Variants in OSBPL9 observed in about 807,000 individuals in gnomAD.
OSBPL9 encodes oxysterol-binding protein-related protein 9.
OSBPL9 carries 40 observed loss-of-function variants against 106.6 expected under a neutral mutation model. The ratio of observed to expected loss-of-function variants is 0.38; its 90% CI spans 0.29 to 0.49. The LOEUF is 0.49. Among genes scored for constraint, OSBPL9 ranks in the 20% least tolerant of loss-of-function variants. The pLI is 0.97. For synonymous variants in OSBPL9, 269 were observed against 295.4 expected (o/e 0.91, Z 0.92); for missense variants, 609 against 887.2 (o/e 0.69, Z 3.98).
chr1:51,596,750 A>G (rs1404599829), intron 1 of OSBPL9, among the ~76,000 whole-genome samples: 1 of 152,116 alleles, frequency 6.6e-6, no homozygotes, highest in African/African-American at 2.4e-5. Flanking sequence ...ACTGCACTCC[A>G]TCCTGGGTGA....
At position 51,658,924 on chromosome 1, in the gene OSBPL9, TG is replaced by T. The variant is rs141892558; in HGVS notation, c.162+6884del. ...TTTCTCGTTAATTCAGTAGCCTTTT[TG>T]TAAGCTCTTTCTCTTCTCTATGAAT... is the stretch of plus-strand genomic sequence containing the variant. On this transcript the variant is annotated intron_variant, in intron 2 of 23. Coordinates refer to ENST00000428468, the MANE Select transcript of OSBPL9 (RefSeq NM_024586.6). Among the ~76,000 whole-genome samples the T allele has an allele frequency of 8.2e-3, 1,252 of 152,288 alleles. 20 individuals carry two copies. Among genetic ancestry groups the T allele is most frequent in the African/African-American group, 0.028 (1,179 of 41,576 alleles).
At chr1:51,616,898 A>G, upstream of OSBPL9, 4 of 716,750 alleles carry the variant, frequency 5.6e-6, no homozygotes, top group East Asian at 8.8e-5. Flanking sequence ...TAATAGCAGT[A>G]TTCACGTTTG....
intron 1 of OSBPL9, among the ~76,000 whole-genome samples, chr1:51,634,592 A>G (rs1645306249): frequency 6.6e-6 from 1 of 152,192 alleles, no homozygotes; most frequent in Admixed American, 6.5e-5. Context: ...ATGAGACTCA[A>G]AGAAAGGCCA....
the OSBPL9 span, among the ~76,000 whole-genome samples, chr1:51,536,888 C>A: frequency 6.6e-6 from 1 of 152,136 alleles, no homozygotes; most frequent in Non-Finnish European, 1.5e-5. Flanking sequence ...CTTTGATCAG[C>A]GGATTAAGGT....
At chr1:51,522,100 T>C in the OSBPL9 span, among the ~76,000 whole-genome samples, 2 of 152,236 alleles carry the variant, frequency 1.3e-5, no homozygotes, top group Non-Finnish European at 2.9e-5. Context: ...AAGTACATTA[T>C]AAAAGTTTGT....
At chr1:51,709,318 A>T (rs1321604630) in intron 3 of OSBPL9, 1 of 217,124 alleles carries the variant, frequency 4.6e-6, no homozygotes, top group Non-Finnish European at 9.8e-6. Context: ...TTCCCCATGC[A>T]AGCCCTCAAC....
chr1:51,556,847 G>GTA, the OSBPL9 span, among the ~76,000 whole-genome samples: 21 of 128,500 alleles, frequency 1.6e-4, no homozygotes, highest in South Asian at 7.7e-4. Context: ...ACATATATAT[G>GTA]TATATATATA....
chr1:51,519,335 G>T, the OSBPL9 span: 2 of 345,964 alleles, frequency 5.8e-6, no homozygotes. Flanking sequence ...GGGCGGGCGG[G>T]CGGGCGTCTC....
Position 51,784,335 on chromosome 1 carries a change from T to C in OSBPL9, c.1688+8T>C, listed in dbSNP as rs200335317. On this transcript the variant is annotated splice_region_variant and intron_variant, in intron 19 of 23. Coordinates refer to ENST00000428468, the MANE Select transcript of OSBPL9 (RefSeq NM_024586.6). ...CCCCAATGGCTATGGAAGGCAAGTG[T>C]GTCCATTTCCTCTGATCAGCAGTAG... 274 of 1,612,914 alleles carry C rather than the reference T, an allele frequency of 1.7e-4. No individual in the cohort carries two copies. The highest frequency in any genetic ancestry group is 1.2e-3 in the Middle Eastern group (7 of 6,060).
At chr1:51,581,593 C>T (rs1645221879) in intron 1 of OSBPL9, among the ~76,000 whole-genome samples, 1 of 152,012 alleles carries the variant, frequency 6.6e-6, no homozygotes, top group Admixed American at 6.6e-5. Context: ...TCTATTTGTC[C>T]CTGTTTATTT....
chr1:51,569,523 C>A, the OSBPL9 span: 1 of 152,318 alleles, frequency 6.6e-6, no homozygotes, highest in Non-Finnish European at 1.5e-5. Flanking sequence ...ATGGAGCTGA[C>A]AGTGACTGCT....
intron 1 of OSBPL9, among the ~76,000 whole-genome samples, chr1:51,590,979 C>T (rs531560170): frequency 1.7e-3 from 247 of 144,824 alleles, no homozygotes; most frequent in Non-Finnish European, 3.0e-3. Flanking sequence ...AGTGCAGTGG[C>T]GCGATCTCTG....
the OSBPL9 span, among the ~76,000 whole-genome samples, chr1:51,521,113 G>T: frequency 6.6e-6 from 1 of 152,166 alleles, no homozygotes; most frequent in Non-Finnish European, 1.5e-5. Context: ...TTTGCCCAGG[G>T]TTATACAACT....
chr1:51,614,455 A>T (rs1324328910), upstream of OSBPL9: 2 of 151,220 alleles, frequency 1.3e-5, no homozygotes, highest in South Asian at 2.1e-4. Flanking sequence ...TAACCAACAA[A>T]TTTTTTTTAA....
intron 4 of OSBPL9, among the ~76,000 whole-genome samples, chr1:51,715,170 C>G (rs1332095304): frequency 6.6e-6 from 1 of 152,076 alleles, no homozygotes; most frequent in Non-Finnish European, 1.5e-5. Context: ...TTAGGCCCTA[C>G]AAGATAGTAA....
At chr1:51,747,744 A>G (rs930670869) in intron 6 of OSBPL9, among the ~76,000 whole-genome samples, 1 of 152,090 alleles carries the variant, frequency 6.6e-6, no homozygotes, top group Non-Finnish European at 1.5e-5. Flanking sequence ...AATTCGTAGA[A>G]AAGCCAAAAC....
At chr1:51,712,868 A>G (rs564277680) in intron 3 of OSBPL9, among the ~76,000 whole-genome samples, 12 of 152,252 alleles carry the variant, frequency 7.9e-5, no homozygotes, top group Non-Finnish European at 1.6e-4. Context: ...ATCTTCCTAC[A>G]GAAAAGATTT....
chr1:51,768,667 A>C (rs61374814), intron 12 of OSBPL9, among the ~76,000 whole-genome samples: 1 of 152,018 alleles, frequency 6.6e-6, no homozygotes, highest in Non-Finnish European at 1.5e-5. Context: ...ACTGATAGAC[A>C]CTCTCTGGCT....
the OSBPL9 span, among the ~76,000 whole-genome samples, chr1:51,553,555 A>G: frequency 1.2e-4 from 19 of 152,138 alleles, no homozygotes; most frequent in African/African-American, 4.6e-4. Flanking sequence ...AAAAAAAAGA[A>G]AATGAGCTCA....
Sources: gnomAD v4.1 joint callset for allele counts (sites outside exome capture counted in the v4.1 genomes callset) on GRCh38, gnomAD v4.1.1 for gene constraint, MANE v1.5 for transcripts, NCBI Gene and HGNC (gene_info 2026-07-23, HGNC 2026-07-21) for gene names.